Variants in CLEC12B observed in about 807,000 individuals in gnomAD.
CLEC12B encodes macrophage antigen h.
Under a neutral mutation model 36.1 loss-of-function variants are expected in CLEC12B, and 25 were observed. The ratio of observed to expected loss-of-function variants is 0.69; its 90% CI spans 0.50 to 0.97. The LOEUF is 0.97. CLEC12B is among the 50% of genes least tolerant of loss of function. The pLI, the probability that CLEC12B is intolerant of heterozygous loss-of-function variation, is 0.00. For missense variants in CLEC12B, 325 were observed against 318.4 expected, an observed-to-expected ratio of 1.02 and a Z score of -0.16; for synonymous variants, 110 against 108.5, an observed-to-expected ratio of 1.01 and a Z score of -0.09.
chr12:10,018,663 A>C lies in CLEC12B; in HGVS notation c.*182A>C. On this transcript the variant is annotated 3_prime_UTR_variant, in exon 6 of 6. Transcript: ENST00000338896. ...TCCTTGTCTGACGTCTTCTGATTTG[A>C]TGTTATTATTCGGTCTTAAAATTAT... 1.7e-6 allele frequency: 1 copy of C among 581,688 alleles called. No homozygotes were observed. The highest frequency in any genetic ancestry group is 3.0e-6 in the Non-Finnish European group (1 of 336,256). 36.0% of individuals were successfully genotyped at this position (581,688 alleles called of 1,614,324 possible).
In CLEC12B at chr12:10,015,646, C is replaced by T. The variant is rs753661436; in HGVS notation, c.599C>T (p.Ser200Leu). 22 of 1,613,602 alleles carry T rather than the reference C, an allele frequency of 1.4e-5. No individual in the cohort carries two copies. The South Asian group carries it at 1.6e-4, about 12-fold the overall frequency. Reference protein sequence around the residue: ...FLMSQPLLMFSFFWLGLSWDS... With the variant: ...FLMSQPLLMFLFFWLGLSWDS... The stretch of plus-strand genomic sequence containing the variant: ...ATGTCACAGCCATTACTCATGTTTT[C>T]GTTCTTTTGGCTGGGATTATCATGG... Residue 200 changes from serine (S) to leucine (L), a missense_variant, in exon 5 of 6, where the codon TCG (serine) becomes TTG (leucine). Transcript: ENST00000338896.
At chr12:10,011,104 GA>G (rs1865317119) in intron 1 of CLEC12B, among the ~76,000 whole-genome samples, 1 of 152,188 alleles carries the variant, frequency 6.6e-6, no homozygotes, top group Non-Finnish European at 1.5e-5. Context: ...GCCAGAAATT[GA>G]GCTTGGGGAA....
At chr12:10,011,000 G>C in intron 1 of CLEC12B, 150 bp downstream of exon 1, 1 of 551,786 alleles carries the variant, frequency 1.8e-6, no homozygotes. Context: ...TTAGAAAAGT[G>C]AGTGTTCCCA....
In CLEC12B at chr12:10,018,381, A is replaced by G. The variant is rs1177333445; in HGVS notation, c.731A>G (p.Tyr244Cys). The part of the protein sequence containing the change: ...DQINGSKGCA[Y>C]FQKGNIYISR... Reference sequence around the variant, plus strand: ...ATCAATGGATCCAAAGGATGTGCTTATTTTCAAAAAGGAAATATTTATATT... The same window carrying G: ...ATCAATGGATCCAAAGGATGTGCTTGTTTTCAAAAAGGAAATATTTATATT... Residue 244 changes from tyrosine to cysteine, a missense_variant, in exon 6 of 6, where the codon TAT becomes TGT. Physicochemically the swap from Tyr to Cys is radical, Grantham distance 194. Transcript: ENST00000338896. 1 of 1,541,818 alleles carries G rather than the reference A, an allele frequency of 6.5e-7. No individual in the cohort carries two copies. The highest frequency in any genetic ancestry group is 2.4e-5 in the East Asian group (1 of 40,820).
At position 10,010,818 on chromosome 12, in the gene CLEC12B, A is replaced by C. The variant is rs1315740227; in HGVS notation, c.59A>C (p.Asn20Thr). 6.2e-7 allele frequency: 1 copy of C among 1,611,836 alleles called. No individual in the cohort carries two copies. The highest frequency in any genetic ancestry group is 1.7e-5 in the Admixed American group (1 of 60,000). Reference sequence around the variant, plus strand: ...TTTCAGGATTCTGCTGGAGCAAGGAATAACCGAGATGGAAATAACCTAAGA... The same window carrying C: ...TTTCAGGATTCTGCTGGAGCAAGGACTAACCGAGATGGAAATAACCTAAGA... The part of the protein sequence containing the change: ...LTFQDSAGAR[N>T]NRDGNNLRKR... The change falls in exon 1 of 6, where the codon AAT becomes ACT. Residue 20 changes from asparagine to threonine, a missense_variant. Transcript: ENST00000338896.
chr12:10,015,599 T>A lies in CLEC12B; in HGVS notation c.565-13T>A. Reference sequence around the variant, plus strand: ...GCGCTCACGTAAAACTTTTTCTCTGTTTTCTCTCTTAGGATTTTCTTATGT... The same window carrying A: ...GCGCTCACGTAAAACTTTTTCTCTGATTTCTCTCTTAGGATTTTCTTATGT... On this transcript the variant is annotated splice_polypyrimidine_tract_variant and intron_variant, in intron 4 of 5. Transcript: ENST00000338896. 2 of 1,613,370 alleles carry A rather than the reference T, an allele frequency of 1.2e-6. No individual in the cohort carries two copies.
At chr12:10,015,913 G>T (rs924311814) in intron 5 of CLEC12B, 186 bp downstream of exon 5, 3 of 1,389,642 alleles carry the variant, frequency 2.2e-6, no homozygotes, top group African/African-American at 2.9e-5. Flanking sequence ...TTTATAGCAA[G>T]GCACTGAATT....
At chr12:10,014,121 A>G (rs577354054) in intron 2 of CLEC12B, among the ~76,000 whole-genome samples, 13 of 152,258 alleles carry the variant, frequency 8.5e-5, no homozygotes, top group Admixed American at 7.2e-4. Context: ...CAAGCATCTC[A>G]GGTCATCTGC....
chr12:10,012,551 C>G (rs111610319), intron 1 of CLEC12B, among the ~76,000 whole-genome samples: 3 of 152,238 alleles, frequency 2.0e-5, no homozygotes, highest in African/African-American at 7.2e-5. Context: ...TGCCTCCCCC[C>G]TCCCCCAACG....
intron 2 of CLEC12B, 187 bp downstream of exon 2, chr12:10,013,070 T>C (rs1342864422): frequency 1.7e-6 from 1 of 602,114 alleles, no homozygotes; most frequent in Non-Finnish European, 2.9e-6. Context: ...AGGATTTGGT[T>C]CTAAATTCAT....
rs1438791748 is a variant in CLEC12B at position 10,018,649 on chromosome 12, C to G, written c.*168C>G. ...GAACATTCTCCAGTTCCTTGTCTGA[C>G]GTCTTCTGATTTGATGTTATTATTC... is the stretch of plus-strand genomic sequence containing the variant. On this transcript the variant is annotated 3_prime_UTR_variant, in exon 6 of 6. Transcript: ENST00000338896. 1.7e-6 allele frequency: 1 copy of G among 604,870 alleles called. No homozygotes were observed. The highest frequency in any genetic ancestry group is 3.4e-5 in the Admixed American group (1 of 29,448). The allele number at this position is 604,870 out of a possible 1,614,324, so 37.5% of individuals were successfully genotyped here. A position where few individuals can be genotyped will look rare whatever the true frequency, so the allele number is the denominator to read the frequency against.
intron 5 of CLEC12B, chr12:10,017,984 G>A: frequency 1.1e-6 from 1 of 942,528 alleles, no homozygotes. Context: ...TTCTTCATAA[G>A]GTCCCAAAGA....
At chr12:10,012,551 C>A (rs111610319) in intron 1 of CLEC12B, among the ~76,000 whole-genome samples, 5 of 152,120 alleles carry the variant, frequency 3.3e-5, no homozygotes, top group South Asian at 4.1e-4. Context: ...TGCCTCCCCC[C>A]TCCCCCAACG....
Position 10,018,398 on chromosome 12 carries a change from A to G in CLEC12B, c.748A>G (p.Ile250Val), listed in dbSNP as rs1483128832. The G allele has an allele frequency of 2.6e-6, 4 of 1,547,544 alleles. No individual in the cohort carries two copies. In the African/African-American group the frequency reaches 4.1e-5, roughly 16 times the overall value. The change falls in exon 6 of 6, where the codon ATT becomes GTT. Residue 250 changes from isoleucine to valine, a missense_variant. Physicochemically the swap from Ile to Val is conservative, Grantham distance 29. Coordinates refer to ENST00000338896, the MANE Select transcript of CLEC12B (RefSeq NM_001129998.3). ...KGCAYFQKGN[I>V]YISRCSAEIF... The stretch of plus-strand genomic sequence containing the variant: ...ATGTGCTTATTTTCAAAAAGGAAAT[A>G]TTTATATTTCTCGCTGTAGTGCTGA...
Position 10,018,387 on chromosome 12 carries a change from AAAAAGG to A in CLEC12B, c.741_746del (p.Lys247_Gly248del). On this transcript the variant is annotated inframe_deletion, in exon 6 of 6. Coordinates refer to ENST00000338896, the MANE Select transcript of CLEC12B (RefSeq NM_001129998.3). ...GGATCCAAAGGATGTGCTTATTTTC[AAAAAGG>A]AAATATTTATATTTCTCGCTGTAGT... 6.5e-7 allele frequency: 1 copy of A among 1,544,738 alleles called. No homozygotes were observed. The highest frequency in any genetic ancestry group is 1.2e-5 in the South Asian group (1 of 83,714).
upstream of CLEC12B, among the ~76,000 whole-genome samples, chr12:10,010,209 C>CACACACACAT: frequency 6.7e-6 from 1 of 149,452 alleles, no homozygotes. Context: ...CTCACACACA[C>CACACACACAT]ACACACACAC....
chr12:10,017,313 G>T, intron 5 of CLEC12B: 1 of 985,324 alleles, frequency 1.0e-6, no homozygotes, highest in Non-Finnish European at 1.2e-6. Flanking sequence ...TATTGGGTAT[G>T]AACTGATTAA....
rs1865546546 is a variant in CLEC12B, at chr12:10,018,646, T to C, written c.*165T>C. The C allele has an allele frequency of 1.6e-6, 1 of 609,276 alleles. No homozygotes were observed. The highest frequency in any genetic ancestry group is 2.8e-6 in the Non-Finnish European group (1 of 354,078). 37.7% of individuals were successfully genotyped at this position (609,276 alleles called of 1,614,324 possible). On this transcript the variant is annotated 3_prime_UTR_variant, in exon 6 of 6. Coordinates refer to ENST00000338896, the MANE Select transcript of CLEC12B (RefSeq NM_001129998.3). Reference sequence around the variant, plus strand: ...ACAGAACATTCTCCAGTTCCTTGTCTGACGTCTTCTGATTTGATGTTATTA... The same window carrying C: ...ACAGAACATTCTCCAGTTCCTTGTCCGACGTCTTCTGATTTGATGTTATTA...
intron 1 of CLEC12B, among the ~76,000 whole-genome samples, chr12:10,012,198 A>G (rs1381734435): frequency 6.6e-6 from 1 of 152,218 alleles, no homozygotes; most frequent in African/African-American, 2.4e-5. Flanking sequence ...GATACTTTAA[A>G]AAGTCGAATC....
Sources: gnomAD v4.1 joint callset for allele counts (sites outside exome capture counted in the v4.1 genomes callset) on GRCh38, gnomAD v4.1.1 for gene constraint, MANE v1.5 for transcripts, NCBI Gene and HGNC (gene_info 2026-07-23, HGNC 2026-07-21) for gene names.